The following RNF121 variants were observed in gnomAD, a reference collection of about 807,000 sequenced individuals.
The protein encoded by RNF121 is E3 ubiquitin ligase RNF121.
RNF121 carries 21 observed loss-of-function variants against 46.5 expected under a neutral mutation model. That is an observed-to-expected ratio of 0.45 (90% CI 0.32 to 0.65). The LOEUF (loss-of-function observed/expected upper bound fraction) is 0.65. Ranked by LOEUF, RNF121 falls within the 30% of genes least tolerant of loss-of-function variation. RNF121 has a pLI of 0.04. For synonymous variants in RNF121, 139 were observed against 144.7 expected (o/e 0.96, Z 0.28); for missense variants, 346 against 416.0 (o/e 0.83, Z 1.46).
chr11:71,942,534 G>A (rs1230693428), intron 1 of RNF121, among the ~76,000 whole-genome samples: 2 of 151,840 alleles, frequency 1.3e-5, no homozygotes, highest in African/African-American at 2.4e-5. Flanking sequence ...AGGCTGAGGC[G>A]GGCGGATTAC....
rs756081951 is a variant in RNF121 at position 71,995,566 on chromosome 11, G to A, written c.863+15G>A. ...TTCAGCAATCCGTATCCTTTATTGG[G>A]GTCGTTGTTGGGAGTGGGCTGTGGG... On this transcript the variant is annotated intron_variant, in intron 8 of 8. Transcript: ENST00000361756. The A allele has an allele frequency of 3.8e-6, 6 of 1,560,476 alleles. No individual in the cohort carries two copies. The highest frequency in any genetic ancestry group is 5.2e-6 in the Non-Finnish European group (6 of 1,148,482).
At chr11:71,990,202 G>C (rs1954839585) in intron 5 of RNF121, among the ~76,000 whole-genome samples, 1 of 152,208 alleles carries the variant, frequency 6.6e-6, no homozygotes, top group African/African-American at 2.4e-5. Flanking sequence ...CTAGCTGGAA[G>C]AGAGACAGCT....
chr11:71,989,485 G>C (rs766996154), intron 5 of RNF121, among the ~76,000 whole-genome samples: 18 of 152,126 alleles, frequency 1.2e-4, no homozygotes, highest in African/African-American at 4.3e-4. Context: ...GATCATTTTT[G>C]TGCTACTGAT....
Position 71,990,374 on chromosome 11 carries a change from G to A in RNF121, c.507-223G>A, listed in dbSNP as rs140938945. Among the ~76,000 whole-genome samples the A allele has an allele frequency of 5.3e-5, 8 of 152,368 alleles. No individual in the cohort carries two copies. The East Asian group carries it at 1.5e-3, about 29-fold the overall frequency. ...AGGAAAAGGGGTAGGAGGGGATACT[G>A]TAGCTTGGTCTTCACAGCCTACAGT... On this transcript the variant is annotated intron_variant, in intron 5 of 8. Transcript: ENST00000361756.
intron 1 of RNF121, among the ~76,000 whole-genome samples, chr11:71,954,279 T>C (rs377348062): frequency 1.3e-5 from 2 of 152,192 alleles, no homozygotes; most frequent in Admixed American, 6.5e-5. Flanking sequence ...AAGACTGGTT[T>C]GGATGTAACT....
In RNF121 at chr11:71,976,504, C is replaced by T. The variant is rs536665257; in HGVS notation, c.244-6257C>T. ...CCGAGTAGCTGGGACTGCAGGTGTG[C>T]GCCACTATGCCCAGCTAATTTTTGT... is the stretch of plus-strand genomic sequence containing the variant. On this transcript the variant is annotated intron_variant, in intron 3 of 8. Coordinates refer to ENST00000361756, the MANE Select transcript of RNF121 (RefSeq NM_018320.5). 1.4e-4 allele frequency among the ~76,000 whole-genome samples: 21 copies of T among 151,718 alleles called. No homozygotes were observed. The South Asian group carries it at 3.8e-3, about 27-fold the overall frequency.
chr11:71,941,217 G>A (rs918417069), intron 1 of RNF121, among the ~76,000 whole-genome samples: 4 of 152,252 alleles, frequency 2.6e-5, no homozygotes, highest in African/African-American at 9.6e-5. Context: ...TATTGCAGTA[G>A]TTTAGGAGCG....
intron 3 of RNF121, chr11:71,977,950 C>A (rs1954563644): frequency 3.8e-6 from 1 of 265,408 alleles, no homozygotes; most frequent in Non-Finnish European, 7.6e-6. Context: ...GCACTAGAGG[C>A]CCTGCAATTG....
intron 3 of RNF121, among the ~76,000 whole-genome samples, chr11:71,975,334 T>C (rs1954506360): frequency 6.6e-6 from 1 of 152,178 alleles, no homozygotes; most frequent in African/African-American, 2.4e-5. Flanking sequence ...CTCATCTACC[T>C]CTTTAGGCTC....
chr11:71,980,234 G>C (rs922291685), intron 3 of RNF121, among the ~76,000 whole-genome samples: 3 of 152,082 alleles, frequency 2.0e-5, no homozygotes, highest in African/African-American at 7.3e-5. Context: ...TGGACCAGCA[G>C]CCAGTACCCT....
intron 3 of RNF121, among the ~76,000 whole-genome samples, chr11:71,961,115 A>G (rs1954121033): frequency 6.6e-6 from 1 of 152,200 alleles, no homozygotes; most frequent in African/African-American, 2.4e-5. Flanking sequence ...ATAGGCAGAA[A>G]AGATAGGTTT....
Position 71,957,400 on chromosome 11 carries a change from ATCTC to A in RNF121, c.101+140_101+143del, listed in dbSNP as rs1383344891. 4.1e-6 allele frequency: 3 copies of A among 734,140 alleles called. No homozygotes were observed. In the East Asian group the frequency reaches 7.5e-5, roughly 18 times the overall value. The allele number at this position is 734,140 out of a possible 1,614,324, so 45.5% of individuals were successfully genotyped here. ...TGACCGGTAGGACTGGTCTTTTGGG[ATCTC>A]TCTAAGTATCTGGGTTGCTCTCTTA... is the stretch of plus-strand genomic sequence containing the variant. On this transcript the variant is annotated intron_variant, in intron 2 of 8. Coordinates refer to ENST00000361756, the MANE Select transcript of RNF121 (RefSeq NM_018320.5).
At chr11:71,960,295 C>T (rs1954099303) in intron 2 of RNF121, among the ~76,000 whole-genome samples, 1 of 152,218 alleles carries the variant, frequency 6.6e-6, no homozygotes, top group African/African-American at 2.4e-5. Flanking sequence ...CTGGAATCAG[C>T]ACACATTTGC....
chr11:71,973,044 G>C (rs1034877268), intron 3 of RNF121, among the ~76,000 whole-genome samples: 1 of 152,130 alleles, frequency 6.6e-6, no homozygotes, highest in Admixed American at 6.5e-5. Flanking sequence ...CTGTTAGCCG[G>C]ACATGGTGGT....
intron 1 of RNF121, among the ~76,000 whole-genome samples, chr11:71,940,700 C>T (rs913825600): frequency 1.3e-5 from 2 of 152,182 alleles, no homozygotes; most frequent in South Asian, 4.1e-4. Context: ...GGCTCCTGCT[C>T]TCACGAGATT....
At chr11:71,965,329 C>A (rs564552576) in intron 3 of RNF121, among the ~76,000 whole-genome samples, 222 of 150,902 alleles carry the variant, frequency 1.5e-3, no homozygotes, top group African/African-American at 5.3e-3. Flanking sequence ...TGGCTCACTG[C>A]AACCTCTGCC....
intron 3 of RNF121, among the ~76,000 whole-genome samples, chr11:71,982,410 T>C (rs1000846955): frequency 7.4e-5 from 11 of 149,390 alleles, no homozygotes; most frequent in Admixed American, 2.0e-4. Context: ...AGAAATGACA[T>C]GGTGAAGATT....
Position 71,986,997 on chromosome 11 carries a change from TCC to T in RNF121, c.399-4_399-3del. ...TCAGCTGCACTAACCTTCTCTCCTT[TCC>T]CCAGGTTGGTTTATAAGTGGTTCCT... On this transcript the variant is annotated splice_region_variant and splice_polypyrimidine_tract_variant and intron_variant, in intron 4 of 8. Transcript: ENST00000361756. The T allele has an allele frequency of 6.4e-7, 1 of 1,560,638 alleles. No homozygotes were observed. The highest frequency in any genetic ancestry group is 8.8e-7 in the Non-Finnish European group (1 of 1,131,436).
intron 3 of RNF121, among the ~76,000 whole-genome samples, chr11:71,973,615 C>G (rs773252928): frequency 2.0e-5 from 3 of 151,912 alleles, no homozygotes; most frequent in Non-Finnish European, 2.9e-5. Flanking sequence ...GGTAAAACCC[C>G]GTCTCTACTA....
Sources: allele counts gnomAD v4.1 joint callset (sites outside exome capture counted in the v4.1 genomes callset), GRCh38; gene constraint gnomAD v4.1.1; transcripts MANE v1.5; gene names NCBI Gene and HGNC (gene_info 2026-07-23, HGNC 2026-07-21).